ARMC9: variants seen among roughly 807,000 people sequenced by gnomAD.
The protein encoded by ARMC9 is armadillo repeat containing 9, also known as lisH domain-containing protein ARMC9.
A neutral mutation model predicts 107.0 loss-of-function variants in ARMC9; 94 were observed. That is an observed-to-expected ratio of 0.88 (90% CI 0.74 to 1.04). The LOEUF (loss-of-function observed/expected upper bound fraction) is 1.04, where lower values mean the gene tolerates loss of function less well. Among genes scored for constraint, ARMC9 ranks in the 50% least tolerant of loss-of-function variants. The pLI, the probability that ARMC9 is intolerant of heterozygous loss-of-function variation, is 0.00. For missense variants in ARMC9, 942 were observed against 1,030.1 expected (o/e 0.91, Z 1.17); for synonymous variants, 380 against 396.9 (o/e 0.96, Z 0.51).
intron 17 of ARMC9, among the ~76,000 whole-genome samples, chr2:231,290,114 T>C (rs1052540966): frequency 1.3e-5 from 2 of 152,240 alleles, no homozygotes; most frequent in Non-Finnish European, 2.9e-5. Context: ...CAACCAGTTA[T>C]ACACTTTGTC....
intron 19 of ARMC9, among the ~76,000 whole-genome samples, chr2:231,313,416 G>A (rs903317212): frequency 2.6e-5 from 4 of 152,124 alleles, no homozygotes; most frequent in African/African-American, 9.7e-5. Context: ...AATCCAGTCC[G>A]ACAATCTGCC....
At chr2:231,287,047 C>T (rs1483176352) in intron 17 of ARMC9, among the ~76,000 whole-genome samples, 5 of 152,194 alleles carry the variant, frequency 3.3e-5, no homozygotes, top group Non-Finnish European at 7.4e-5. Flanking sequence ...ACATCCTGCC[C>T]AGGGCTGGAG....
In ARMC9 at chr2:231,352,661, GGATAGATAGATAGATA is replaced by G. The variant is rs150058513; in HGVS notation, c.1995-3105_1995-3090del. On this transcript the variant is annotated intron_variant, in intron 21 of 24. Coordinates refer to ENST00000611582, the MANE Select transcript of ARMC9 (RefSeq NM_001352754.2). ...ACTGAGAAATAATCAGATGTTCACA[GGATAGATAGATAGATA>G]GATAGATAGATAGATAGATAGATAG... is the stretch of plus-strand genomic sequence containing the variant. Among the ~76,000 whole-genome samples, 632 of 145,288 alleles carry G rather than the reference GGATAGATAGATAGATA, an allele frequency of 4.3e-3. 3 individuals carry two copies. The highest frequency in any genetic ancestry group is 8.7e-3 in the African/African-American group (330 of 38,094).
intron 23 of ARMC9, among the ~76,000 whole-genome samples, chr2:231,364,583 G>A (rs1284539127): frequency 6.6e-6 from 1 of 152,052 alleles, no homozygotes; most frequent in Non-Finnish European, 1.5e-5. Flanking sequence ...GATCACCTGA[G>A]GTCCAGGAGT....
At chr2:231,206,603 C>T (rs796509204) in intron 2 of ARMC9, among the ~76,000 whole-genome samples, 1 of 152,156 alleles carries the variant, frequency 6.6e-6, no homozygotes, top group Non-Finnish European at 1.5e-5. Context: ...AAAATATATT[C>T]ACATGCCTGT....
intron 5 of ARMC9, among the ~76,000 whole-genome samples, chr2:231,221,155 G>T (rs1170108514): frequency 1.3e-5 from 2 of 152,176 alleles, no homozygotes; most frequent in Non-Finnish European, 2.9e-5. Flanking sequence ...CTGAATCCTA[G>T]GGGAGGATCC....
Position 231,360,945 on chromosome 2 carries a change from C to T in ARMC9, c.2261+62C>T, listed in dbSNP as rs1465294192. 8.2e-6 allele frequency: 12 copies of T among 1,458,760 alleles called. No individual in the cohort carries two copies. The highest frequency in any genetic ancestry group is 9.9e-6 in the Non-Finnish European group (11 of 1,111,994). 90.4% of individuals were successfully genotyped at this position (1,458,760 alleles called of 1,614,324 possible). ...CGGAGCTCTGGGAGTGGGCGCCCCA[C>T]GCCGGATGCAGAGCACCCAGGAGAC... On this transcript the variant is annotated intron_variant, in intron 23 of 24. Transcript: ENST00000611582. This position sits in a 1 kb window ranked among gnomAD's most constrained non-coding sequence, Gnocchi z 4.7.
chr2:231,315,200 C>T (rs2042593623), intron 19 of ARMC9, among the ~76,000 whole-genome samples: 1 of 147,470 alleles, frequency 6.8e-6, no homozygotes, highest in African/African-American at 2.6e-5. Context: ...GATCATGCCA[C>T]TGCACTCCAG....
chr2:231,310,663 G>C (rs1002071221), intron 19 of ARMC9, among the ~76,000 whole-genome samples: 2 of 149,722 alleles, frequency 1.3e-5, no homozygotes, highest in African/African-American at 2.5e-5. Flanking sequence ...CCCGGGGTAG[G>C]GGGGAACGGA....
chr2:231,264,397 T>C (rs1299025352), intron 12 of ARMC9, among the ~76,000 whole-genome samples: 1 of 152,154 alleles, frequency 6.6e-6, no homozygotes, highest in African/African-American at 2.4e-5. Context: ...CAGGCTAGTC[T>C]CGAACTCCTG....
chr2:231,276,585 T>A (rs113182550), intron 14 of ARMC9, 51 bp from the exon 15 acceptor site: 22 of 1,611,106 alleles, frequency 1.4e-5, no homozygotes, highest in Middle Eastern at 1.7e-4. Flanking sequence ...TTTCCTCTTA[T>A]ATGAAAAGTT....
chr2:231,371,119 G>A, intron 24 of ARMC9: 1 of 483,818 alleles, frequency 2.1e-6, no homozygotes, highest in East Asian at 6.1e-5. Context: ...TCCAGGGGAG[G>A]CTCGGCCAGG....
At chr2:231,201,841 T>C (rs893884078) in intron 1 of ARMC9, among the ~76,000 whole-genome samples, 4 of 152,246 alleles carry the variant, frequency 2.6e-5, no homozygotes, top group African/African-American at 9.6e-5. Flanking sequence ...GATTCCATTT[T>C]AGATTCAAGT....
chr2:231,218,360 A>G (rs988888218), intron 5 of ARMC9, among the ~76,000 whole-genome samples: 1 of 152,148 alleles, frequency 6.6e-6, no homozygotes, highest in Non-Finnish European at 1.5e-5. Context: ...AATAATAAAA[A>G]TAAATTTTAA....
At chr2:231,248,461 C>A (rs2036973848) in intron 9 of ARMC9, among the ~76,000 whole-genome samples, 1 of 152,150 alleles carries the variant, frequency 6.6e-6, no homozygotes, top group African/African-American at 2.4e-5. Flanking sequence ...ACCGTTATCA[C>A]CTTAGGGTGA....
chr2:231,320,465 T>C (rs2125533648), intron 19 of ARMC9, among the ~76,000 whole-genome samples: 1 of 152,282 alleles, frequency 6.6e-6, no homozygotes, highest in African/African-American at 2.4e-5. Flanking sequence ...ACCTTTATAT[T>C]TTTATTTATA....
At chr2:231,247,639 C>T (rs2036899125) in intron 9 of ARMC9, among the ~76,000 whole-genome samples, 1 of 152,154 alleles carries the variant, frequency 6.6e-6, no homozygotes, top group Admixed American at 6.6e-5. Context: ...GAGGGTTTAA[C>T]ACCTTTGTAG....
intron 23 of ARMC9, among the ~76,000 whole-genome samples, chr2:231,363,597 T>A (rs924199767): frequency 1.3e-5 from 2 of 152,144 alleles, no homozygotes; most frequent in South Asian, 4.1e-4. Flanking sequence ...AGAATAAAAG[T>A]CTAGACCTGC....
At chr2:231,260,458 AT>A (rs2038228588) in intron 11 of ARMC9, among the ~76,000 whole-genome samples, 1 of 152,176 alleles carries the variant, frequency 6.6e-6, no homozygotes, top group Admixed American at 6.5e-5. Flanking sequence ...GGACACCCAA[AT>A]TTCAAGGTGT....
Sources: allele counts gnomAD v4.1 joint callset (sites outside exome capture counted in the v4.1 genomes callset), GRCh38; gene constraint gnomAD v4.1.1; non-coding constraint Gnocchi (gnomAD v3.1); transcripts MANE v1.5; gene names NCBI Gene and HGNC (gene_info 2026-07-23, HGNC 2026-07-21).